The following ASXL1 variants were observed in gnomAD, a reference collection of about 807,000 sequenced individuals.
ASXL1 encodes ASXL transcriptional regulator 1.
ASXL1 carries 65 observed loss-of-function variants against 89.1 expected under a neutral mutation model. That is an observed-to-expected ratio of 0.73 (90% CI 0.60 to 0.90). The LOEUF (loss-of-function observed/expected upper bound fraction) is 0.90, where lower values mean the gene tolerates loss of function less well. Among genes scored for constraint, ASXL1 ranks in the 40% least tolerant of loss-of-function variants. The probability of loss-of-function intolerance (pLI) is 0.00; values close to 1 mark genes in which losing one functional copy is unlikely to be tolerated. For missense variants in ASXL1, 1,786 were observed against 1,942.9 expected, an observed-to-expected ratio of 0.92 and a Z score of 1.52; for synonymous variants, 739 against 746.9, an observed-to-expected ratio of 0.99 and a Z score of 0.17.
intron 4 of ASXL1, among the ~76,000 whole-genome samples, chr20:32,413,748 T>C (rs919980346): frequency 3.3e-5 from 5 of 152,172 alleles, no homozygotes; most frequent in African/African-American, 1.2e-4. Flanking sequence ...TCCTCGGACT[T>C]TCCTTATATG....
chr20:32,395,840 C>A (rs977392852), intron 4 of ASXL1, among the ~76,000 whole-genome samples: 8 of 152,104 alleles, frequency 5.3e-5, no homozygotes, highest in African/African-American at 1.9e-4. Flanking sequence ...ATTCTGTCAC[C>A]CAGGCTGAAG....
chr20:32,372,930 T>C (rs2048323062), intron 4 of ASXL1, among the ~76,000 whole-genome samples: 1 of 148,966 alleles, frequency 6.7e-6, no homozygotes, highest in Admixed American at 6.7e-5. Context: ...AAATACTGTT[T>C]ATGATTTTCT....
At chr20:32,363,376 G>T (rs771517968) in intron 1 of ASXL1, among the ~76,000 whole-genome samples, 1 of 152,190 alleles carries the variant, frequency 6.6e-6, no homozygotes, top group Non-Finnish European at 1.5e-5. Context: ...TTGTAGGTTT[G>T]TTCAAGTCAG....
chr20:32,429,008 T>A lies in ASXL1; in HGVS notation c.472-330T>A, dbSNP rs2011432867. 3 of 375,756 alleles carry A rather than the reference T, an allele frequency of 8.0e-6. No individual in the cohort carries two copies. In the Admixed American group the frequency reaches 1.1e-4, roughly 14 times the overall value. The allele number at this position is 375,756 out of a possible 1,614,324, so 23.3% of individuals were successfully genotyped here. A position where few individuals can be genotyped will look rare whatever the true frequency, so the allele number is the denominator to read the frequency against. The stretch of plus-strand genomic sequence containing the variant: ...ATACACGTGAACATTCAGGGAGAAG[T>A]GTGGTTAGTGCAGAGTAGAGAGAAC... On this transcript the variant is annotated intron_variant, in intron 6 of 12. Transcript: ENST00000375687. This position sits in a 1 kb window ranked among gnomAD's most constrained non-coding sequence, Gnocchi z 4.9.
At chr20:32,385,505 T>C (rs765580394) in intron 4 of ASXL1, among the ~76,000 whole-genome samples, 3 of 152,226 alleles carry the variant, frequency 2.0e-5, no homozygotes, top group African/African-American at 7.2e-5. Context: ...TGATACTTCT[T>C]AAATGCATTA....
At chr20:32,384,114 C>G (rs2048534981) in intron 4 of ASXL1, among the ~76,000 whole-genome samples, 1 of 151,578 alleles carries the variant, frequency 6.6e-6, no homozygotes, top group Non-Finnish European at 1.5e-5. Flanking sequence ...AAACCTTGTT[C>G]CACTGTGTAC....
rs1445886169 is a variant in ASXL1, at chr20:32,437,970, T to G, written c.*632T>G. 2 of 235,656 alleles carry G rather than the reference T, an allele frequency of 8.5e-6. No individual in the cohort carries two copies. Among genetic ancestry groups the G allele is most frequent in the Non-Finnish European group, 1.7e-5 (2 of 119,736 alleles). The allele number at this position is 235,656 out of a possible 1,614,324, so 14.6% of individuals were successfully genotyped here. ...GTGATCCACTAACCCACAGGATCAT[T>G]TGGAACCTTGAATAGCTCTGCTTGG... On this transcript the variant is annotated 3_prime_UTR_variant, in exon 13 of 13. Coordinates refer to ENST00000375687, the MANE Select transcript of ASXL1 (RefSeq NM_015338.6).
chr20:32,435,836 C>T lies in ASXL1; in HGVS notation c.3124C>T (p.Pro1042Ser). ...GAAACCCAATTGGAACCAATCTGCC[C>T]CACTGTCCAAGGTGAATGGTGACAT... ...DEKPNWNQSAPLSKVNGDMRL... is the reference protein window; with the variant it reads ...DEKPNWNQSASLSKVNGDMRL... The change falls in exon 13 of 13, where the codon CCA becomes TCA. Residue 1042 changes from proline to serine, a missense_variant. This residue lies in a region of ASXL1 where 1,418 missense variants were observed against 1,427.8 expected (regional missense o/e 0.99). Transcript: ENST00000375687. 1.2e-6 allele frequency: 2 copies of T among 1,614,166 alleles called. No individual in the cohort carries two copies. The highest frequency in any genetic ancestry group is 1.7e-6 in the Non-Finnish European group (2 of 1,180,032).
At chr20:32,366,861 C>T (rs1441619567) in intron 2 of ASXL1, among the ~76,000 whole-genome samples, 1 of 152,114 alleles carries the variant, frequency 6.6e-6, no homozygotes, top group Non-Finnish European at 1.5e-5. Flanking sequence ...AATAAAAGAA[C>T]AGTGGTCTCA....
rs2048250247 is a variant in ASXL1, at chr20:32,368,961, TTAAG to T, written c.144-51_144-48del. On this transcript the variant is annotated intron_variant, in intron 3 of 12. Transcript: ENST00000375687. ...AGAATGAGTTGGAGGGATTAGGTCT[TTAAG>T]TAGGCAGATGGATTGTATAACCCTC... 8 of 1,480,552 alleles carry T rather than the reference TTAAG, an allele frequency of 5.4e-6. No homozygotes were observed. The South Asian group carries it at 8.0e-5, about 15-fold the overall frequency. 91.7% of individuals were successfully genotyped at this position (1,480,552 alleles called of 1,614,324 possible). A position where few individuals can be genotyped will look rare whatever the true frequency, so the allele number is the denominator to read the frequency against.
intron 4 of ASXL1, chr20:32,372,550 C>A: frequency 3.3e-6 from 1 of 307,146 alleles, no homozygotes; most frequent in Non-Finnish European, 5.0e-6. Flanking sequence ...ATTTAATGAA[C>A]GAATTTAGTG....
At chr20:32,414,309 CT>C (rs1009248494) in intron 4 of ASXL1, among the ~76,000 whole-genome samples, 77 of 140,058 alleles carry the variant, frequency 5.5e-4, no homozygotes, top group Middle Eastern at 3.8e-3. Flanking sequence ...GCTTCTTTTT[CT>C]TTTTTTTTTT....
chr20:32,404,261 A>G (rs1368330742), intron 4 of ASXL1, among the ~76,000 whole-genome samples: 2 of 152,048 alleles, frequency 1.3e-5, no homozygotes, highest in Non-Finnish European at 2.9e-5. Context: ...ACAACATGTG[A>G]TATTTATCTT....
At chr20:32,359,826 G>A in intron 1 of ASXL1, 2 of 717,802 alleles carry the variant, frequency 2.8e-6, no homozygotes, top group Non-Finnish European at 5.2e-6. Context: ...CTCCCACAAA[G>A]CTCAGACACT....
intron 11 of ASXL1, 70 bp downstream of exon 11, chr20:32,433,055 G>A (rs950689480): frequency 6.3e-7 from 1 of 1,594,040 alleles, no homozygotes; most frequent in Non-Finnish European, 8.5e-7. Flanking sequence ...TCTCAAAATA[G>A]CATATACTTA....
chr20:32,409,767 A>G (rs1547001), intron 4 of ASXL1, among the ~76,000 whole-genome samples: 1 of 152,080 alleles, frequency 6.6e-6, no homozygotes, highest in African/African-American at 2.4e-5. Context: ...AAAAAACTGC[A>G]TATTTTACTG....
chr20:32,429,524 C>T lies in ASXL1; in HGVS notation c.565+93C>T, dbSNP rs569935314. On this transcript the variant is annotated intron_variant, in intron 7 of 12. Coordinates refer to ENST00000375687, the MANE Select transcript of ASXL1 (RefSeq NM_015338.6). The surrounding 1 kb of genome is among the most constrained non-coding windows in gnomAD (Gnocchi z 4.9). ...CAGTTTCTGACCTAATAGTGCGATA[C>T]TAGGAGAGCTGTCGGGCCACAGGCA... 1.9e-4 allele frequency: 251 copies of T among 1,311,740 alleles called. No homozygotes were observed. In the African/African-American group the frequency reaches 3.4e-3, roughly 18 times the overall value. 81.3% of individuals were successfully genotyped at this position (1,311,740 alleles called of 1,614,324 possible). A position where few individuals can be genotyped will look rare whatever the true frequency, so the allele number is the denominator to read the frequency against.
intron 8 of ASXL1, chr20:32,430,309 C>A (rs1163079517): frequency 2.0e-6 from 1 of 504,472 alleles, no homozygotes; most frequent in African/African-American, 1.9e-5. Flanking sequence ...CTATGCCTGC[C>A]TTGTACTGCA....
intron 4 of ASXL1, among the ~76,000 whole-genome samples, chr20:32,375,856 A>AT (rs1382752614): frequency 2.6e-5 from 4 of 151,774 alleles, no homozygotes; most frequent in African/African-American, 9.7e-5. Context: ...TAATTTTTGT[A>AT]TTTTTAATAG....
Sources: gnomAD v4.1 joint callset for allele counts (sites outside exome capture counted in the v4.1 genomes callset) on GRCh38, gnomAD v4.1.1 for gene constraint, gnomAD v4.1.1 regional missense constraint, Gnocchi (gnomAD v3.1) non-coding constraint, MANE v1.5 for transcripts, NCBI Gene and HGNC (gene_info 2026-07-23, HGNC 2026-07-21) for gene names.